ZNF569: variants seen among roughly 807,000 people sequenced by gnomAD.
ZNF569 encodes the protein DNA-binding protein.
In ZNF569, 38 loss-of-function variants were observed where a neutral mutation model predicts 56.3. That is an observed-to-expected ratio of 0.68 (90% confidence interval 0.52 to 0.88). The LOEUF (loss-of-function observed/expected upper bound fraction) is 0.88, where lower values mean the gene tolerates loss of function less well. Ranked by LOEUF, ZNF569 falls within the 40% of genes least tolerant of loss-of-function variation. The pLI is 0.00. For synonymous variants in ZNF569, 241 were observed against 262.9 expected (o/e 0.92, Z 0.81); for missense variants, 666 against 809.2 (o/e 0.82, Z 2.15).
intron 3 of ZNF569, chr19:37,427,655 G>T (rs752452964): frequency 2.7e-6 from 1 of 365,530 alleles, no homozygotes; most frequent in Non-Finnish European, 5.5e-6. Context: ...GAAAGCTGTG[G>T]TACTGATGGG....
At chr19:37,417,479 G>A (rs777945425) in intron 5 of ZNF569, among the ~76,000 whole-genome samples, 1 of 151,968 alleles carries the variant, frequency 6.6e-6, no homozygotes, top group Non-Finnish European at 1.5e-5. Context: ...AAACTCCTGA[G>A]CTCAGATGAT....
intron 2 of ZNF569, among the ~76,000 whole-genome samples, chr19:37,458,387 A>G (rs2041706365): frequency 6.6e-6 from 1 of 152,216 alleles, no homozygotes; most frequent in African/African-American, 2.4e-5. Flanking sequence ...TAAAATATAC[A>G]AAGCATTGCT....
intron 2 of ZNF569, among the ~76,000 whole-genome samples, chr19:37,464,589 G>T (rs1324109088): frequency 6.6e-6 from 1 of 152,172 alleles, no homozygotes; most frequent in Non-Finnish European, 1.5e-5. Context: ...AGTCAGTACA[G>T]TAACATGCTG....
Position 37,413,621 on chromosome 19 carries a change from C to G in ZNF569, c.1037G>C (p.Arg346Thr). 6.2e-7 allele frequency: 1 copy of G among 1,613,932 alleles called. No individual in the cohort carries two copies. The highest frequency in any genetic ancestry group is 1.1e-5 in the South Asian group (1 of 91,060). Residue 346 changes from arginine (R) to threonine (T), a missense_variant, in exon 6 of 6, where the codon AGA (arginine) becomes ACA (threonine). By Grantham distance (71) the Arg-to-Thr change is moderately conservative. Coordinates refer to ENST00000316950, the MANE Select transcript of ZNF569 (RefSeq NM_152484.3). ...PRIASLALHM[R>T]SHTGEKPYKC... Reference sequence around the variant, plus strand: ...ATAAGGTTTTTCTCCTGTATGACTTCTCATATGAAGAGCAAGGGATGCAAT... The same window carrying G: ...ATAAGGTTTTTCTCCTGTATGACTTGTCATATGAAGAGCAAGGGATGCAAT...
chr19:37,412,877 A>C lies in ZNF569; in HGVS notation c.1781T>G (p.Ile594Ser). 1 of 1,613,992 alleles carries C rather than the reference A, an allele frequency of 6.2e-7. No homozygotes were observed. Among genetic ancestry groups the C allele is most frequent in the Non-Finnish European group, 8.5e-7 (1 of 1,179,944 alleles). ...GKAFSQRTSLIVHMRGHTGEK... is the reference protein window; with the variant it reads ...GKAFSQRTSLSVHMRGHTGEK... ...ACCTGTATGGCCTCTCATGTGCACA[A>C]TAAGGGAAGTTCTTTGAGAGAAGGC... Residue 594 changes from isoleucine (I) to serine (S), a missense_variant, in exon 6 of 6, where the codon ATT (isoleucine) becomes AGT (serine). Coordinates refer to ENST00000316950, the MANE Select transcript of ZNF569 (RefSeq NM_152484.3).
At chr19:37,423,199 A>G (rs1355517965) in intron 5 of ZNF569, among the ~76,000 whole-genome samples, 1 of 152,244 alleles carries the variant, frequency 6.6e-6, no homozygotes, top group African/African-American at 2.4e-5. Context: ...ACTAATGCCA[A>G]AAGACAAAAA....
chr19:37,466,197 C>T (rs1205391848), intron 1 of ZNF569, among the ~76,000 whole-genome samples: 9 of 152,146 alleles, frequency 5.9e-5, no homozygotes, highest in Non-Finnish European at 8.8e-5. Flanking sequence ...CTCCACCCCA[C>T]TCCACTCCCC....
At chr19:37,415,257 G>C (rs1341734709) in intron 5 of ZNF569, among the ~76,000 whole-genome samples, 1 of 151,884 alleles carries the variant, frequency 6.6e-6, no homozygotes, top group East Asian at 1.9e-4. Flanking sequence ...ATAATAGAAA[G>C]TATATTACTA....
chr19:37,424,154 G>C (rs529697726), intron 5 of ZNF569, among the ~76,000 whole-genome samples: 1 of 152,048 alleles, frequency 6.6e-6, no homozygotes. Flanking sequence ...AAGTATGAGA[G>C]TAAAACCTAA....
At chr19:37,444,665 T>A (rs1209379425) in intron 3 of ZNF569, among the ~76,000 whole-genome samples, 1 of 152,210 alleles carries the variant, frequency 6.6e-6, no homozygotes, top group Non-Finnish European at 1.5e-5. Context: ...AAATTTTTGC[T>A]CTGGTTTTCT....
intron 2 of ZNF569, among the ~76,000 whole-genome samples, chr19:37,463,004 C>T (rs2041778734): frequency 6.6e-6 from 1 of 152,160 alleles, no homozygotes; most frequent in African/African-American, 2.4e-5. Flanking sequence ...CACTACATTC[C>T]AAGTCAGTTT....
upstream of ZNF569, chr19:37,469,217 C>T: frequency 2.3e-6 from 3 of 1,313,468 alleles, no homozygotes; most frequent in East Asian, 3.2e-5. Context: ...TGTTACAAAC[C>T]CTGCGCGGAG....
intron 3 of ZNF569, 118 bp downstream of exon 3, chr19:37,444,789 C>G: frequency 1.4e-6 from 1 of 724,174 alleles, no homozygotes; most frequent in Non-Finnish European, 2.2e-6. Context: ...AACTCTATTT[C>G]CCCTGAAAAT....
At chr19:37,418,746 G>C (rs1465481005) in intron 5 of ZNF569, among the ~76,000 whole-genome samples, 1 of 152,154 alleles carries the variant, frequency 6.6e-6, no homozygotes, top group Non-Finnish European at 1.5e-5. Flanking sequence ...TCACTCCCAA[G>C]AGAAGATGGG....
At chr19:37,428,347 T>A (rs1600305692) in intron 3 of ZNF569, among the ~76,000 whole-genome samples, 1 of 150,594 alleles carries the variant, frequency 6.6e-6, no homozygotes, top group Non-Finnish European at 1.5e-5. Context: ...CTACAATAAA[T>A]GAATGAATGA....
At chr19:37,434,012 G>A (rs1191825977) in intron 3 of ZNF569, among the ~76,000 whole-genome samples, 2 of 152,244 alleles carry the variant, frequency 1.3e-5, no homozygotes, top group Middle Eastern at 3.4e-3. Context: ...ATAGAAAGAC[G>A]AGAAGAAGGG....
At chr19:37,450,515 GATGTT>G in intron 2 of ZNF569, among the ~76,000 whole-genome samples, 2 of 152,144 alleles carry the variant, frequency 1.3e-5, no homozygotes, top group Middle Eastern at 6.8e-3. Context: ...TTTCAATTCT[GATGTT>G]ATTTATTTGA....
chr19:37,457,303 C>T lies in ZNF569; in HGVS notation c.-44+8010G>A, dbSNP rs77607972. Among the ~76,000 whole-genome samples, 399 of 152,164 alleles carry T rather than the reference C, an allele frequency of 2.6e-3. 1 individual carries two copies. The highest frequency in any genetic ancestry group is 9.2e-3 in the African/African-American group (384 of 41,520). Reference sequence around the variant, plus strand: ...TTTTAAAATAAATTGAGGATTTAATCGAGAATTCTATACTTATAAAATGCA... The same window carrying T: ...TTTTAAAATAAATTGAGGATTTAATTGAGAATTCTATACTTATAAAATGCA... On this transcript the variant is annotated intron_variant, in intron 2 of 5. Transcript: ENST00000316950.
At chr19:37,434,831 C>A (rs915041474) in intron 3 of ZNF569, among the ~76,000 whole-genome samples, 3 of 152,184 alleles carry the variant, frequency 2.0e-5, no homozygotes, top group Non-Finnish European at 4.4e-5. Context: ...AAATCCACCC[C>A]CTGCCCGCAA....
Sources: allele counts gnomAD v4.1 joint callset (sites outside exome capture counted in the v4.1 genomes callset), GRCh38; gene constraint gnomAD v4.1.1; transcripts MANE v1.5; gene names NCBI Gene and HGNC (gene_info 2026-07-23, HGNC 2026-07-21).